The following IGSF10 variants were observed in gnomAD, a reference collection of about 807,000 sequenced individuals.
IGSF10 encodes the protein calvaria mechanical force protein 608.
A neutral mutation model predicts 128.2 loss-of-function variants in IGSF10; 126 were observed. That is an observed-to-expected ratio of 0.98 (90% CI 0.85 to 1.14). The LOEUF is 1.14. Among genes scored for constraint, IGSF10 ranks in the 50% most tolerant of loss-of-function variants. The pLI is 0.00. For missense variants in IGSF10, 3,295 were observed against 3,149.8 expected, an observed-to-expected ratio of 1.05 and a Z score of -1.10; for synonymous variants, 1,185 against 1,146.2, an observed-to-expected ratio of 1.03 and a Z score of -0.68.
the IGSF10 span, among the ~76,000 whole-genome samples, chr3:151,536,441 A>G: frequency 1.3e-5 from 2 of 152,156 alleles, no homozygotes; most frequent in Non-Finnish European, 1.5e-5. Flanking sequence ...TTAAGTGAAA[A>G]TGTTATTCAT....
chr3:151,537,458 T>A, the IGSF10 span, among the ~76,000 whole-genome samples: 1 of 151,972 alleles, frequency 6.6e-6, no homozygotes, highest in South Asian at 2.1e-4. Context: ...TCTGCACTCT[T>A]TAGATGGAGA....
In IGSF10 at chr3:151,453,372, C is replaced by T; in HGVS notation, c.715+12G>A. The T allele has an allele frequency of 6.4e-7, 1 of 1,555,708 alleles. No homozygotes were observed. The highest frequency in any genetic ancestry group is 8.6e-7 in the Non-Finnish European group (1 of 1,157,762). On this transcript the variant is annotated intron_variant, in intron 5 of 7. Coordinates refer to ENST00000282466, the MANE Select transcript of IGSF10 (RefSeq NM_178822.5). Reference sequence around the variant, plus strand: ...CACTTAATTGGGACAAAAAAATAAACAATATAGATACCTGGCTTCTCCTGT... The same window carrying T: ...CACTTAATTGGGACAAAAAAATAAATAATATAGATACCTGGCTTCTCCTGT...
chr3:151,500,800 G>A, the IGSF10 span, among the ~76,000 whole-genome samples: 1 of 152,048 alleles, frequency 6.6e-6, no homozygotes, highest in South Asian at 2.1e-4. Flanking sequence ...CATTTATGGG[G>A]TTGTTGTTGT....
chr3:151,523,251 TC>T, the IGSF10 span, among the ~76,000 whole-genome samples: 4 of 152,156 alleles, frequency 2.6e-5, no homozygotes, highest in Non-Finnish European at 5.9e-5. Flanking sequence ...CCAAAGCAAC[TC>T]ATAGGTTCAA....
At chr3:151,591,221 T>G in the IGSF10 span, among the ~76,000 whole-genome samples, 1 of 151,908 alleles carries the variant, frequency 6.6e-6, no homozygotes, top group Non-Finnish European at 1.5e-5. Context: ...TATTTTTTTC[T>G]ATAATTTATT....
chr3:151,490,483 G>A, the IGSF10 span, among the ~76,000 whole-genome samples: 87 of 145,876 alleles, frequency 6.0e-4, no homozygotes, highest in Middle Eastern at 3.5e-3. Flanking sequence ...AAATTAATAT[G>A]AGAATACTGA....
chr3:151,570,261 T>G, the IGSF10 span, among the ~76,000 whole-genome samples: 91 of 152,286 alleles, frequency 6.0e-4, 1 homozygote, highest in South Asian at 0.016. Flanking sequence ...GTAATGGGAT[T>G]GCTGGGTCAA....
Position 151,443,592 on chromosome 3 carries a change from T to G in IGSF10, c.5355A>C (p.Thr1785=). Residue 1785 remains threonine (T), a synonymous_variant, in exon 7 of 8, where the codon ACA becomes ACC. Transcript: ENST00000282466. ...TTCCCTGGGATGATTCTGAGACAAC[T>G]GTTTGGTTTGCAAGAATCCAGGTAA... The part of the protein sequence containing the change: ...PTVTWILANQ[T]VVSESSQGSR... 1.2e-6 allele frequency: 2 copies of G among 1,614,204 alleles called. No individual in the cohort carries two copies. Among genetic ancestry groups the G allele is most frequent in the Non-Finnish European group, 1.7e-6 (2 of 1,180,040 alleles).
At position 151,446,996 on chromosome 3, in the gene IGSF10, C is replaced by A; in HGVS notation, c.2985G>T (p.Pro995=). 8 of 1,614,082 alleles carry A rather than the reference C, an allele frequency of 5.0e-6. No homozygotes were observed. The highest frequency in any genetic ancestry group is 6.8e-6 in the Non-Finnish European group (8 of 1,180,036). ...TGTTAACTGTACTATTTCTAGGGAT[C>A]GGAAACTGAGAATGAGCAGCTGTGT... is the stretch of plus-strand genomic sequence containing the variant. ...DPHTAAHSQF[P]IPRNSTVNIP... The change falls in exon 6 of 8, where the codon CCG becomes CCT. Residue 995 remains proline (P), a synonymous_variant. Transcript: ENST00000282466.
the IGSF10 span, among the ~76,000 whole-genome samples, chr3:151,612,952 T>G: frequency 6.6e-6 from 1 of 152,112 alleles, no homozygotes; most frequent in African/African-American, 2.4e-5. Context: ...TTAGTTCAAC[T>G]TTTGTGTAAA....
the IGSF10 span, among the ~76,000 whole-genome samples, chr3:151,590,982 G>T: frequency 6.6e-6 from 1 of 152,064 alleles, no homozygotes; most frequent in African/African-American, 2.4e-5. Flanking sequence ...AGTTGATCTG[G>T]TAGCAGAATG....
chr3:151,448,592 T>G lies in IGSF10; in HGVS notation c.1389A>C (p.Ala463=), dbSNP rs140380315. Residue 463 remains alanine (A), a synonymous_variant, in exon 6 of 8, where the codon GCA becomes GCC. Coordinates refer to ENST00000282466, the MANE Select transcript of IGSF10 (RefSeq NM_178822.5). ...ATTTGTGTTTCACTGGCCTCATCTCTGCTCTTGGTAAAGTGATTTGAGCAT... is the reference window on the plus strand; with the variant it reads ...ATTTGTGTTTCACTGGCCTCATCTCGGCTCTTGGTAAAGTGATTTGAGCAT... ...SSDAQITLPR[A]EMRPVKHKWT... is the part of the protein sequence containing the mutation. 111 of 1,614,022 alleles carry G rather than the reference T, an allele frequency of 6.9e-5. No homozygotes were observed. The African/African-American group carries it at 1.2e-3, about 17-fold the overall frequency.
the IGSF10 span, among the ~76,000 whole-genome samples, chr3:151,506,354 G>A: frequency 1.6e-4 from 24 of 152,032 alleles, no homozygotes; most frequent in Non-Finnish European, 2.4e-4. Context: ...CCTGAACTCC[G>A]TAATTTTAGC....
the IGSF10 span, among the ~76,000 whole-genome samples, chr3:151,550,613 C>CT: frequency 6.6e-6 from 1 of 151,854 alleles, no homozygotes; most frequent in African/African-American, 2.4e-5. Context: ...CCAACTAGAT[C>CT]TTTTTTTTAG....
At chr3:151,569,917 C>T in the IGSF10 span, among the ~76,000 whole-genome samples, 770 of 149,884 alleles carry the variant, frequency 5.1e-3, 9 homozygotes, top group African/African-American at 0.017. Context: ...CAGTGTGTCA[C>T]GTTCCCCTCC....
the IGSF10 span, among the ~76,000 whole-genome samples, chr3:151,475,610 C>A: frequency 2.0e-5 from 3 of 152,304 alleles, no homozygotes; most frequent in South Asian, 6.2e-4. Flanking sequence ...ACCAGTCCAG[C>A]TGTTTCTGTA....
chr3:151,547,067 C>A, the IGSF10 span, among the ~76,000 whole-genome samples: 1 of 152,084 alleles, frequency 6.6e-6, no homozygotes, highest in Admixed American at 6.5e-5. Context: ...ACCACCGTGC[C>A]CGGCCTCTTT....
intron 2 of IGSF10, among the ~76,000 whole-genome samples, chr3:151,460,003 A>T (rs1412216738): frequency 1.3e-5 from 2 of 152,234 alleles, no homozygotes; most frequent in Non-Finnish European, 2.9e-5. Context: ...CACTTTTGCC[A>T]TCGTAACCAC....
intron 3 of IGSF10, 39 bp downstream of exon 3, chr3:151,458,477 A>AT: frequency 6.8e-7 from 1 of 1,460,078 alleles, no homozygotes; most frequent in South Asian, 1.2e-5. Flanking sequence ...GCTGCGACTG[A>AT]TCCCTCTTTG....
Sources: allele counts gnomAD v4.1 joint callset (sites outside exome capture counted in the v4.1 genomes callset), GRCh38; gene constraint gnomAD v4.1.1; transcripts MANE v1.5; gene names NCBI Gene and HGNC (gene_info 2026-07-23, HGNC 2026-07-21).